CEBPZ: variants seen among roughly 807,000 people sequenced by gnomAD.
CEBPZ encodes CCAAT enhancer binding protein zeta.
In CEBPZ, 78 loss-of-function variants were observed where a neutral mutation model predicts 104.5. The observed-to-expected ratio is 0.75, with a 90% CI of 0.62 to 0.90. The LOEUF is 0.90. CEBPZ is among the 40% of genes least tolerant of loss of function. The probability of loss-of-function intolerance (pLI) is 0.00; values close to 1 mark genes in which losing one functional copy is unlikely to be tolerated. For missense variants in CEBPZ, 1,439 were observed against 1,233.5 expected (o/e 1.17, Z -2.50); for synonymous variants, 470 against 427.0 (o/e 1.10, Z -1.24).
At position 37,220,472 on chromosome 2, in the gene CEBPZ, A is replaced by G; in HGVS notation, c.2067T>C (p.Gly689=). 1 of 1,556,572 alleles carries G rather than the reference A, an allele frequency of 6.4e-7. No homozygotes were observed. The highest frequency in any genetic ancestry group is 8.8e-7 in the Non-Finnish European group (1 of 1,136,792). ...GATCGTATTTATTTAACTGTTTCCC[A>G]CCTAGGAATAACAAAAAAAATACGA... The part of the protein sequence containing the change: ...ASWVHFDNLK[G]GKQLNKYDPF... Residue 689 remains glycine, a splice_region_variant and synonymous_variant, in exon 5 of 16, where the codon GGT becomes GGC. Coordinates refer to ENST00000234170, the MANE Select transcript of CEBPZ (RefSeq NM_005760.3).
At position 37,228,797 on chromosome 2, in the gene CEBPZ, T is replaced by G. The variant is rs775304192; in HGVS notation, c.396A>C (p.Gln132His). The change falls in exon 2 of 16, where the codon CAA (glutamine) becomes CAC (histidine). Residue 132 changes from glutamine (Q) to histidine (H), a missense_variant. Transcript: ENST00000234170. The stretch of plus-strand genomic sequence containing the variant: ...TTTTCACCTTATTAACTGATGTCCT[T>G]TGACTTTCTGCTGTATTTTTATTAT... Reference protein sequence around the residue: ...KINNKNTAESQRTSVNKVKNK... With the variant: ...KINNKNTAESHRTSVNKVKNK... The G allele has an allele frequency of 1.9e-6, 3 of 1,609,882 alleles. No individual in the cohort carries two copies. In the Admixed American group the frequency reaches 5.0e-5, roughly 27 times the overall value.
intron 4 of CEBPZ, among the ~76,000 whole-genome samples, chr2:37,221,680 T>C (rs1664774642): frequency 6.6e-6 from 1 of 152,234 alleles, no homozygotes; most frequent in Non-Finnish European, 1.5e-5. Context: ...GGGGAACTGA[T>C]GGATTCTTCT....
intron 13 of CEBPZ, among the ~76,000 whole-genome samples, chr2:37,208,008 C>A (rs2148342477): frequency 6.6e-6 from 1 of 152,140 alleles, no homozygotes; most frequent in African/African-American, 2.4e-5. Flanking sequence ...TCATTCAAGG[C>A]TACTATGAAC....
chr2:37,206,065 G>A (rs1225778762), intron 13 of CEBPZ, among the ~76,000 whole-genome samples: 1 of 152,196 alleles, frequency 6.6e-6, no homozygotes, highest in Non-Finnish European at 1.5e-5. Flanking sequence ...AGGAAGATCT[G>A]CATTCAAATG....
At chr2:37,203,783 A>G (rs966111136) in intron 13 of CEBPZ, 2 of 152,244 alleles carry the variant, frequency 1.3e-5, no homozygotes, top group African/African-American at 2.4e-5. Context: ...GCTATTTCAT[A>G]TAAATGGGAT....
intron 5 of CEBPZ, among the ~76,000 whole-genome samples, chr2:37,217,530 T>A (rs1328087768): frequency 6.6e-6 from 1 of 152,170 alleles, no homozygotes; most frequent in Non-Finnish European, 1.5e-5. Context: ...CAGTTTCTAT[T>A]CAACAGGTTT....
At chr2:37,213,591 T>C (rs1572500469) in intron 10 of CEBPZ, 1 of 258,448 alleles carries the variant, frequency 3.9e-6, no homozygotes, top group East Asian at 1.2e-4. Context: ...TTTTGGGGTT[T>C]TTAGTAGAGA....
chr2:37,202,209 T>TAA (rs138011105), intron 15 of CEBPZ: 42 of 190,118 alleles, frequency 2.2e-4, no homozygotes, highest in Non-Finnish European at 3.4e-4. Flanking sequence ...CCCACTTCCC[T>TAA]AAAAAAAAGT....
At chr2:37,230,374 C>T (rs1170335908) in intron 1 of CEBPZ, among the ~76,000 whole-genome samples, 1 of 152,092 alleles carries the variant, frequency 6.6e-6, no homozygotes, top group Non-Finnish European at 1.5e-5. Flanking sequence ...ATAATTGCTT[C>T]CTATCAGGGC....
At chr2:37,221,959 C>A (rs116710749) in intron 4 of CEBPZ, among the ~76,000 whole-genome samples, 1 of 152,094 alleles carries the variant, frequency 6.6e-6, no homozygotes, top group African/African-American at 2.4e-5. Flanking sequence ...CTATCTTGAA[C>A]AGAAAGTTTT....
At chr2:37,227,005 A>G (rs1048135294) in intron 2 of CEBPZ, among the ~76,000 whole-genome samples, 1 of 152,092 alleles carries the variant, frequency 6.6e-6, no homozygotes, top group Non-Finnish European at 1.5e-5. Context: ...ACCTCCTCCA[A>G]TATGAATGTG....
chr2:37,227,503 G>C, intron 2 of CEBPZ, 41 bp downstream of exon 2: 1 of 1,543,192 alleles, frequency 6.5e-7, no homozygotes, highest in Admixed American at 2.0e-5. Context: ...ACTACATCAA[G>C]TTATTATTTC....
chr2:37,201,782 AGTTTTTT>A lies in CEBPZ; in HGVS notation c.3140_3146del (p.Gln1047LeufsTer11). ...TAATAACTCATTTCCTTTGTTTTTT[AGTTTTTT>A]GAGTGGTTTTAATCCTCTTCTTTTT... On this transcript the variant is annotated frameshift_variant, in exon 16 of 16. Transcript: ENST00000234170. LOFTEE classifies it high-confidence loss of function. 1 of 1,438,724 alleles carries A rather than the reference AGTTTTTT, an allele frequency of 7.0e-7. No homozygotes were observed. 89.1% of individuals were successfully genotyped at this position (1,438,724 alleles called of 1,614,324 possible).
rs916502551 is a variant in CEBPZ at position 37,213,970 on chromosome 2, T to C, written c.2448-9A>G. ...CAACTTTTTTATAATACCTATAATA[T>C]TCATGTTATATATTTGACAATTTTA... is the stretch of plus-strand genomic sequence containing the variant. On this transcript the variant is annotated splice_polypyrimidine_tract_variant and intron_variant, in intron 9 of 15. Transcript: ENST00000234170. 1 of 1,419,964 alleles carries C rather than the reference T, an allele frequency of 7.0e-7. No individual in the cohort carries two copies. Among genetic ancestry groups the C allele is most frequent in the African/African-American group, 1.5e-5 (1 of 67,678 alleles). 88.0% of individuals were successfully genotyped at this position (1,419,964 alleles called of 1,614,324 possible).
chr2:37,223,301 T>C lies in CEBPZ; in HGVS notation c.1750A>G (p.Lys584Glu), dbSNP rs1249962552. 9.3e-6 allele frequency: 15 copies of C among 1,614,058 alleles called. No homozygotes were observed. The highest frequency in any genetic ancestry group is 1.3e-5 in the Non-Finnish European group (15 of 1,180,034). ...LKADIVLRRV[K>E]AFVKRLLQVT... ...TGAAGTAACCTCTTCACAAAAGCCT[T>C]CACCCGGCGCAACACAATGTCAGCT... The change falls in exon 3 of 16, where the codon AAG becomes GAG. Residue 584 changes from lysine to glutamate, a missense_variant. By Grantham distance (56) the Lys-to-Glu change is moderately conservative. Transcript: ENST00000234170.
chr2:37,202,901 AAAAAT>A, intron 14 of CEBPZ, 36 bp from the exon 15 acceptor site: 1 of 1,593,710 alleles, frequency 6.3e-7, no homozygotes. Flanking sequence ...TTAGAAAACT[AAAAAT>A]AATGTAGAAT....
intron 10 of CEBPZ, 61 bp downstream of exon 10, chr2:37,213,803 T>C: frequency 9.0e-7 from 1 of 1,114,702 alleles, no homozygotes; most frequent in Non-Finnish European, 1.3e-6. Context: ...CCACTAATGT[T>C]CCATGGTCTA....
At chr2:37,224,335 G>T (rs1664834505) in intron 2 of CEBPZ, among the ~76,000 whole-genome samples, 1 of 152,120 alleles carries the variant, frequency 6.6e-6, no homozygotes, top group Non-Finnish European at 1.5e-5. Flanking sequence ...CAGATATTAG[G>T]ACACCCAGAA....
chr2:37,218,481 C>T (rs774309627), intron 5 of CEBPZ, among the ~76,000 whole-genome samples: 46 of 152,144 alleles, frequency 3.0e-4, no homozygotes, highest in Non-Finnish European at 5.0e-4. Flanking sequence ...GAATTTTCTT[C>T]TTTAGTACTA....
Sources: allele counts gnomAD v4.1 joint callset (sites outside exome capture counted in the v4.1 genomes callset), GRCh38; gene constraint gnomAD v4.1.1; transcripts MANE v1.5; gene names NCBI Gene and HGNC (gene_info 2026-07-23, HGNC 2026-07-21).